The following RBFOX1 variants were observed in gnomAD, a reference collection of about 807,000 sequenced individuals.
RBFOX1 encodes RNA binding protein fox-1 homolog 1.
A neutral mutation model predicts 57.7 loss-of-function variants in RBFOX1; 8 were observed. That is an observed-to-expected ratio of 0.14 (90% CI 0.08 to 0.25). The LOEUF is 0.25. RBFOX1 is among the 10% of genes least tolerant of loss of function. The pLI, the probability that RBFOX1 is intolerant of heterozygous loss-of-function variation, is 1.00. For missense variants in RBFOX1, 611 were observed against 548.5 expected (o/e 1.11, Z -1.14); for synonymous variants, 326 against 222.4 (o/e 1.47, Z -4.15).
intron 1 of RBFOX1, among the ~76,000 whole-genome samples, chr16:6,211,402 G>A (rs2097297142): frequency 6.6e-6 from 1 of 151,666 alleles, no homozygotes; most frequent in Admixed American, 6.6e-5. Flanking sequence ...CTAATTTTTT[G>A]TACATTTAGT....
intron 4 of RBFOX1, among the ~76,000 whole-genome samples, chr16:7,485,107 A>C (rs1272435426): frequency 6.6e-6 from 1 of 152,046 alleles, no homozygotes. Flanking sequence ...AGATAAAGAG[A>C]AGTCTTATTC....
intron 4 of RBFOX1, among the ~76,000 whole-genome samples, chr16:7,356,690 G>C (rs1164123574): frequency 6.6e-6 from 1 of 152,238 alleles, no homozygotes; most frequent in Non-Finnish European, 1.5e-5. Context: ...GTTCTGAAGT[G>C]CATGAATACT....
intron 3 of RBFOX1, among the ~76,000 whole-genome samples, chr16:5,675,709 C>T (rs1169928274): frequency 2.0e-5 from 3 of 152,174 alleles, no homozygotes; most frequent in Non-Finnish European, 4.4e-5. Flanking sequence ...GCCCATCTGT[C>T]AGGGAGGGAT....
chr16:6,056,230 G>T (rs776185977), intron 1 of RBFOX1, among the ~76,000 whole-genome samples: 1 of 152,174 alleles, frequency 6.6e-6, no homozygotes, highest in Non-Finnish European at 1.5e-5. Context: ...GCATATTATG[G>T]ACAAAGTGAA....
chr16:5,933,839 T>C (rs971670890), intron 4 of RBFOX1, among the ~76,000 whole-genome samples: 15 of 152,066 alleles, frequency 9.9e-5, no homozygotes, highest in African/African-American at 3.6e-4. Flanking sequence ...GCAGGTTTGT[T>C]ATATAGGTAA....
chr16:7,266,826 C>T (rs1287044132), intron 4 of RBFOX1, among the ~76,000 whole-genome samples: 2 of 152,042 alleles, frequency 1.3e-5, no homozygotes, highest in African/African-American at 2.4e-5. Flanking sequence ...ACAGGAATTA[C>T]AAGTTTGGAA....
intron 2 of RBFOX1, among the ~76,000 whole-genome samples, chr16:6,561,007 A>G (rs1467738648): frequency 6.6e-6 from 1 of 152,198 alleles, no homozygotes; most frequent in Non-Finnish European, 1.5e-5. Flanking sequence ...ACTTAAAGAC[A>G]ACTTCAAACG....
intron 3 of RBFOX1, among the ~76,000 whole-genome samples, chr16:5,725,502 C>T (rs1166245803): frequency 6.6e-6 from 1 of 151,772 alleles, no homozygotes; most frequent in Non-Finnish European, 1.5e-5. Flanking sequence ...AGGGCTCAGG[C>T]AATTCTCCTA....
At chr16:6,432,628 G>T (rs1285584390) in intron 2 of RBFOX1, among the ~76,000 whole-genome samples, 2 of 152,080 alleles carry the variant, frequency 1.3e-5, no homozygotes, top group African/African-American at 4.8e-5. Flanking sequence ...GTTGCAGTGA[G>T]CCGAGATCGC....
chr16:7,005,121 G>A (rs779341090), intron 3 of RBFOX1, among the ~76,000 whole-genome samples: 2 of 152,098 alleles, frequency 1.3e-5, no homozygotes, highest in Non-Finnish European at 2.9e-5. Context: ...TCCAGCCTGG[G>A]TGACAAGAGC....
chr16:5,820,741 G>C (rs116226358), intron 3 of RBFOX1, among the ~76,000 whole-genome samples: 1 of 152,116 alleles, frequency 6.6e-6, no homozygotes, highest in Non-Finnish European at 1.5e-5. Context: ...CCGTTCCCCC[G>C]TCTGTCTCCT....
chr16:6,905,842 G>C (rs74008435), intron 3 of RBFOX1, among the ~76,000 whole-genome samples: 87 of 152,298 alleles, frequency 5.7e-4, no homozygotes, highest in African/African-American at 2.1e-3. Context: ...GTGGCTGAGG[G>C]CTGTATGTTT....
At chr16:5,623,965 T>A (rs1246515093) in intron 3 of RBFOX1, among the ~76,000 whole-genome samples, 2 of 152,214 alleles carry the variant, frequency 1.3e-5, no homozygotes, top group Admixed American at 1.3e-4. Flanking sequence ...AACATTTCCA[T>A]CATCCCCCAA....
At chr16:6,214,583 G>A (rs1232709980) in intron 1 of RBFOX1, among the ~76,000 whole-genome samples, 9 of 117,476 alleles carry the variant, frequency 7.7e-5, no homozygotes, top group Non-Finnish European at 1.3e-4. Flanking sequence ...GAGGCAAAGT[G>A]GGAGAAGGAG....
intron 2 of RBFOX1, among the ~76,000 whole-genome samples, chr16:6,341,356 C>G (rs1008413714): frequency 6.6e-6 from 1 of 152,080 alleles, no homozygotes; most frequent in Non-Finnish European, 1.5e-5. Context: ...TCTTTTACCT[C>G]GTTCTTCTCC....
intron 3 of RBFOX1, among the ~76,000 whole-genome samples, chr16:6,903,555 T>A (rs899993823): frequency 3.9e-5 from 6 of 152,092 alleles, no homozygotes; most frequent in Non-Finnish European, 7.4e-5. Flanking sequence ...CGGAGTGAGT[T>A]CCAGAAAGGT....
intron 1 of RBFOX1, among the ~76,000 whole-genome samples, chr16:6,021,580 C>T (rs943003254): frequency 5.3e-5 from 8 of 152,300 alleles, no homozygotes; most frequent in South Asian, 2.1e-4. Context: ...GGAGGCCCTC[C>T]GTTTGGAAGA....
At chr16:6,434,255 T>C (rs2094175693) in intron 2 of RBFOX1, among the ~76,000 whole-genome samples, 1 of 152,222 alleles carries the variant, frequency 6.6e-6, no homozygotes, top group African/African-American at 2.4e-5. Flanking sequence ...CATTTGGCTA[T>C]GTAAGGTAAC....
At chr16:6,929,094 T>G (rs1248945756) in intron 3 of RBFOX1, among the ~76,000 whole-genome samples, 1 of 152,130 alleles carries the variant, frequency 6.6e-6, no homozygotes. Context: ...CAGTCTAGTG[T>G]TTAATTCACA....
Sources: gnomAD v4.1 joint callset for allele counts (sites outside exome capture counted in the v4.1 genomes callset) on GRCh38, gnomAD v4.1.1 for gene constraint, MANE v1.5 for transcripts, NCBI Gene and HGNC (gene_info 2026-07-23, HGNC 2026-07-21) for gene names.